PTPRT: variants seen among roughly 807,000 people sequenced by gnomAD.
PTPRT encodes protein tyrosine phosphatase receptor type T.
Under a neutral mutation model 176.8 loss-of-function variants are expected in PTPRT, and 56 were observed. That is an observed-to-expected ratio of 0.32 (90% CI 0.26 to 0.40). The LOEUF (loss-of-function observed/expected upper bound fraction) is 0.40, where lower values mean the gene tolerates loss of function less well. Among genes scored for constraint, PTPRT ranks in the 10% least tolerant of loss-of-function variants. The pLI is 1.00. For synonymous variants in PTPRT, 783 were observed against 739.0 expected, an observed-to-expected ratio of 1.06 and a Z score of -0.96; for missense variants, 1,540 against 1,908.2, an observed-to-expected ratio of 0.81 and a Z score of 3.60.
At chr20:42,465,538 T>C (rs2071088983) in intron 8 of PTPRT, among the ~76,000 whole-genome samples, 1 of 152,116 alleles carries the variant, frequency 6.6e-6, no homozygotes. Context: ...ATATACTGAG[T>C]GAACAAAAAC....
At chr20:42,918,734 C>T (rs1353680343) in intron 1 of PTPRT, among the ~76,000 whole-genome samples, 4 of 152,132 alleles carry the variant, frequency 2.6e-5, no homozygotes, top group African/African-American at 7.2e-5. Flanking sequence ...AGAGTTCAAC[C>T]GTTTATGAGG....
intron 27 of PTPRT, among the ~76,000 whole-genome samples, chr20:42,088,989 G>A (rs6102671): frequency 0.12 from 17,813 of 151,992 alleles, 2,881 homozygotes; most frequent in African/African-American, 0.37. Flanking sequence ...TCTTCTTATC[G>A]CCCCTCATAA....
intron 20 of PTPRT, 89 bp from the exon 21 acceptor site, chr20:42,118,589 C>A: frequency 9.6e-7 from 1 of 1,042,448 alleles, no homozygotes. Flanking sequence ...CAAGTCTCCA[C>A]ACTGGTGAGC....
chr20:42,956,228 T>C (rs188720408), intron 1 of PTPRT, among the ~76,000 whole-genome samples: 3 of 152,276 alleles, frequency 2.0e-5, no homozygotes, highest in East Asian at 3.9e-4. Flanking sequence ...AAATCTCATA[T>C]TGAACTGTAA....
chr20:42,799,437 C>A (rs1433350974), intron 2 of PTPRT, among the ~76,000 whole-genome samples: 1 of 152,030 alleles, frequency 6.6e-6, no homozygotes, highest in Non-Finnish European at 1.5e-5. Flanking sequence ...TGAAAACAGA[C>A]CCCGGGACAA....
chr20:42,209,562 T>G (rs1316833969), intron 15 of PTPRT, among the ~76,000 whole-genome samples: 5 of 152,118 alleles, frequency 3.3e-5, no homozygotes, highest in Non-Finnish European at 7.3e-5. Context: ...ATGGATAAAT[T>G]CCTTGACACA....
intron 9 of PTPRT, among the ~76,000 whole-genome samples, chr20:42,403,659 C>T (rs2058932329): frequency 6.6e-6 from 1 of 152,118 alleles, no homozygotes; most frequent in African/African-American, 2.4e-5. Context: ...GGGACCAAAA[C>T]CCTCTTCAAT....
chr20:42,880,515 G>A (rs771472736), intron 2 of PTPRT, among the ~76,000 whole-genome samples: 70 of 152,130 alleles, frequency 4.6e-4, no homozygotes, highest in Non-Finnish European at 6.6e-4. Flanking sequence ...AGCCCTTTCC[G>A]AAGGATACCT....
chr20:42,120,062 T>C, intron 19 of PTPRT, 91 bp from the exon 20 acceptor site: 1 of 1,212,332 alleles, frequency 8.2e-7, no homozygotes. Flanking sequence ...AAGTCTTGAT[T>C]TTCTCATGGG....
At chr20:42,395,514 A>T (rs774227485) in intron 9 of PTPRT, among the ~76,000 whole-genome samples, 5 of 152,104 alleles carry the variant, frequency 3.3e-5, no homozygotes, top group Non-Finnish European at 7.4e-5. Flanking sequence ...ATAAAATACC[A>T]ACAACTCCCC....
At chr20:42,905,708 A>C (rs2079466709) in intron 1 of PTPRT, among the ~76,000 whole-genome samples, 1 of 152,240 alleles carries the variant, frequency 6.6e-6, no homozygotes, top group Admixed American at 6.5e-5. Flanking sequence ...AAACTGTGGC[A>C]CATATACACC....
At chr20:42,045,029 C>T in the PTPRT span, among the ~76,000 whole-genome samples, 1 of 152,210 alleles carries the variant, frequency 6.6e-6, no homozygotes. Context: ...TCTTCTGTCT[C>T]TCTCATCTCT....
At chr20:43,157,733 G>T (rs1443278636) in intron 1 of PTPRT, among the ~76,000 whole-genome samples, 3 of 152,172 alleles carry the variant, frequency 2.0e-5, no homozygotes, top group East Asian at 1.9e-4. Context: ...TATGCTTTCA[G>T]ACTCCAAGGA....
intron 2 of PTPRT, among the ~76,000 whole-genome samples, chr20:42,840,059 T>A (rs1807812851): frequency 6.6e-6 from 1 of 152,178 alleles, no homozygotes; most frequent in African/African-American, 2.4e-5. Context: ...TTCATACTAT[T>A]GGGGGCCAGA....
rs182028051 is a variant in PTPRT, at chr20:42,617,713, T to C, written c.1153+60153A>G. On this transcript the variant is annotated intron_variant, in intron 7 of 30. Coordinates refer to ENST00000373187, the MANE Select transcript of PTPRT (RefSeq NM_007050.6). Reference sequence around the variant, plus strand: ...GTTTATCCATTTCTTCTAGATTTTCTAGTTTATTTGCGTAGAGGTGTTTGT... The same window carrying C: ...GTTTATCCATTTCTTCTAGATTTTCCAGTTTATTTGCGTAGAGGTGTTTGT... Among the ~76,000 whole-genome samples, 18 of 139,890 alleles carry C rather than the reference T, an allele frequency of 1.3e-4. 2 individuals carry two copies. Among genetic ancestry groups the C allele is most frequent in the South Asian group, 8.8e-4 (4 of 4,524 alleles). The allele number at this position is 139,890 out of a possible 152,430, so 91.8% of individuals were successfully genotyped here.
intron 7 of PTPRT, among the ~76,000 whole-genome samples, chr20:42,604,643 G>A (rs1002132528): frequency 6.6e-6 from 1 of 152,178 alleles, no homozygotes; most frequent in African/African-American, 2.4e-5. Context: ...CCACTAGGGA[G>A]CTAGGTGGAG....
intron 1 of PTPRT, among the ~76,000 whole-genome samples, chr20:42,887,023 C>G (rs1318427055): frequency 6.6e-6 from 1 of 152,186 alleles, no homozygotes. Context: ...ACACTCCAGT[C>G]CATCTTTTCC....
At chr20:42,154,079 T>G (rs929301641) in intron 17 of PTPRT, among the ~76,000 whole-genome samples, 1 of 152,152 alleles carries the variant, frequency 6.6e-6, no homozygotes, top group African/African-American at 2.4e-5. Context: ...GTTTTGGTCA[T>G]TATGAGTTCC....
intron 12 of PTPRT, among the ~76,000 whole-genome samples, chr20:42,313,902 G>A (rs2057674444): frequency 1.3e-5 from 2 of 152,180 alleles, no homozygotes; most frequent in Admixed American, 6.5e-5. Context: ...AAATACCACA[G>A]TGGAATTTAA....
Sources: allele counts gnomAD v4.1 joint callset (sites outside exome capture counted in the v4.1 genomes callset), GRCh38; gene constraint gnomAD v4.1.1; transcripts MANE v1.5; gene names NCBI Gene and HGNC (gene_info 2026-07-23, HGNC 2026-07-21).